Variants in ZMYND19 observed in about 807,000 individuals in gnomAD.
The protein encoded by ZMYND19 is zinc finger MYND-type containing 19.
A neutral mutation model predicts 32.0 loss-of-function variants in ZMYND19; 17 were observed. That is an observed-to-expected ratio of 0.53 (90% CI 0.36 to 0.80). The LOEUF is 0.80. Ranked by LOEUF, ZMYND19 falls within the 30% of genes least tolerant of loss-of-function variation. The pLI is 0.00. For synonymous variants in ZMYND19, 124 were observed against 113.6 expected, an observed-to-expected ratio of 1.09 and a Z score of -0.58; for missense variants, 250 against 293.6, an observed-to-expected ratio of 0.85 and a Z score of 1.09.
intron 3 of ZMYND19, chr9:137,587,509 C>G: frequency 1.6e-6 from 1 of 613,576 alleles, no homozygotes; most frequent in Non-Finnish European, 2.9e-6. Flanking sequence ...TGGGCAAGCT[C>G]CCAGCAGAAA....
chr9:137,582,950 G>T (rs1409240581), intron 5 of ZMYND19, 33 bp downstream of exon 5: 1 of 1,609,252 alleles, frequency 6.2e-7, no homozygotes, highest in Admixed American at 1.7e-5. Flanking sequence ...GGGTAGAGGT[G>T]CCAGGGACGC....
intron 4 of ZMYND19, among the ~76,000 whole-genome samples, chr9:137,583,987 G>A (rs1281929306): frequency 1.3e-5 from 2 of 152,230 alleles, no homozygotes; most frequent in African/African-American, 2.4e-5. Context: ...GGAGGCCACA[G>A]ACTGGGATCC....
At chr9:137,583,260 G>T in intron 4 of ZMYND19, 97 bp from the exon 5 acceptor site, 1 of 1,380,390 alleles carries the variant, frequency 7.2e-7, no homozygotes, top group Non-Finnish European at 9.9e-7. Flanking sequence ...ATCCTGCCCA[G>T]GACACCCAGC....
intron 3 of ZMYND19, 74 bp downstream of exon 3, chr9:137,587,643 C>A (rs1842220726): frequency 7.2e-7 from 1 of 1,389,996 alleles, no homozygotes; most frequent in Non-Finnish European, 1.0e-6. Flanking sequence ...GCAGGGGGCT[C>A]CAGGCGCCCT....
chr9:137,590,024 C>T lies in ZMYND19; in HGVS notation c.51+189G>A. 1.0e-6 allele frequency: 1 copy of T among 984,956 alleles called. No homozygotes were observed. Among genetic ancestry groups the T allele is most frequent in the Non-Finnish European group, 1.2e-6 (1 of 829,724 alleles). The allele number at this position is 984,956 out of a possible 1,614,324, so 61.0% of individuals were successfully genotyped here. On this transcript the variant is annotated intron_variant, in intron 1 of 5. Coordinates refer to ENST00000298585, the MANE Select transcript of ZMYND19 (RefSeq NM_138462.3). The surrounding 1 kb of genome is among the most constrained non-coding windows in gnomAD (Gnocchi z 4.2). ...CCCAGAGCCGAGGGGTGCGTGCCCGCCGGCCTGCGAGAGGAAGCTGCACCC... is the reference window on the plus strand; with the variant it reads ...CCCAGAGCCGAGGGGTGCGTGCCCGTCGGCCTGCGAGAGGAAGCTGCACCC...
rs554644714 is a variant in ZMYND19, at chr9:137,582,411, C to T, written c.*132G>A. Reference sequence around the variant, plus strand: ...TAACCACACAGACTGCCTGTGACATCGGGAGTCTCACGGCAGCTGTCCTGG... The same window carrying T: ...TAACCACACAGACTGCCTGTGACATTGGGAGTCTCACGGCAGCTGTCCTGG... On this transcript the variant is annotated 3_prime_UTR_variant, in exon 6 of 6. Coordinates refer to ENST00000298585, the MANE Select transcript of ZMYND19 (RefSeq NM_138462.3). 18 of 1,297,498 alleles carry T rather than the reference C, an allele frequency of 1.4e-5. 1 individual carries two copies. The highest frequency in any genetic ancestry group is 8.9e-5 in the African/African-American group (6 of 67,664). 80.4% of individuals were successfully genotyped at this position (1,297,498 alleles called of 1,614,324 possible). A position where few individuals can be genotyped will look rare whatever the true frequency, so the allele number is the denominator to read the frequency against.
chr9:137,585,832 A>C (rs1220940308), intron 4 of ZMYND19, among the ~76,000 whole-genome samples: 11 of 152,222 alleles, frequency 7.2e-5, no homozygotes, highest in African/African-American at 2.4e-4. Context: ...CCAAGCCCGA[A>C]ACACTAAACC....
chr9:137,587,078 C>G lies in ZMYND19; in HGVS notation c.248G>C (p.Gly83Ala). ...WERHRGGVAPGFQVVHLNAVT... is the reference protein window; with the variant it reads ...WERHRGGVAPAFQVVHLNAVT... ...AGCGTTGAGGTGCACCACCTGGAAGCCCGGGGCCACGCCCCCCCGGTGCCG... is the reference window on the plus strand; with the variant it reads ...AGCGTTGAGGTGCACCACCTGGAAGGCCGGGGCCACGCCCCCCCGGTGCCG... The change falls in exon 4 of 6, where the codon GGC becomes GCC. Residue 83 changes from glycine (G) to alanine (A), a missense_variant. This residue lies in a region of ZMYND19 where 212 missense variants were observed against 218.8 expected (regional missense o/e 0.97). Coordinates refer to ENST00000298585, the MANE Select transcript of ZMYND19 (RefSeq NM_138462.3). 1 of 1,608,428 alleles carries G rather than the reference C, an allele frequency of 6.2e-7. No individual in the cohort carries two copies. The highest frequency in any genetic ancestry group is 1.1e-5 in the South Asian group (1 of 91,084).
At chr9:137,588,754 T>G in intron 1 of ZMYND19, 36 bp from the exon 2 acceptor site, 1 of 1,613,546 alleles carries the variant, frequency 6.2e-7, no homozygotes. Context: ...TCATTACATT[T>G]GGGATCTGCG....
Position 137,582,978 on chromosome 9 carries a change from C to G in ZMYND19, c.540+5G>C. 1 of 1,613,912 alleles carries G rather than the reference C, an allele frequency of 6.2e-7. No individual in the cohort carries two copies. The highest frequency in any genetic ancestry group is 8.5e-7 in the Non-Finnish European group (1 of 1,179,844). ...AGGGACGCGACCGCACTGCAGCACA[C>G]CCACCTGCTTCTCAATCACTGTGCA... On this transcript the variant is annotated splice_donor_5th_base_variant and intron_variant, in intron 5 of 5. Coordinates refer to ENST00000298585, the MANE Select transcript of ZMYND19 (RefSeq NM_138462.3).
rs78239522 is a variant in ZMYND19 at position 137,589,059 on chromosome 9, G to A, written c.52-341C>T. The A allele has an allele frequency of 7.0e-3, 1,862 of 265,470 alleles. 39 individuals are homozygous for A. The highest frequency in any genetic ancestry group is 0.038 in the African/African-American group (1,756 of 45,862). The allele number at this position is 265,470 out of a possible 1,614,324, so 16.4% of individuals were successfully genotyped here. On this transcript the variant is annotated intron_variant, in intron 1 of 5. Transcript: ENST00000298585. ...AAACCTAGGCAAAGACTGTTTCACTGAGCTGAGGGAGGGGCCGGGGCTGAG... is the reference window on the plus strand; with the variant it reads ...AAACCTAGGCAAAGACTGTTTCACTAAGCTGAGGGAGGGGCCGGGGCTGAG...
rs1169392767 is a variant in ZMYND19 at position 137,586,923 on chromosome 9, A to C, written c.359+44T>G. 3.1e-6 allele frequency: 5 copies of C among 1,608,000 alleles called. No homozygotes were observed. The South Asian group carries it at 4.4e-5, about 14-fold the overall frequency. ...AAGAGCTTTGGCGGTGGCCCTCCTC[A>C]AAAGGCGCCTCTGCTGGCATCGCCA... On this transcript the variant is annotated intron_variant, in intron 4 of 5. Transcript: ENST00000298585.
intron 1 of ZMYND19, chr9:137,589,696 C>CCCCT: frequency 1.0e-6 from 1 of 985,478 alleles, no homozygotes; most frequent in Non-Finnish European, 1.2e-6. Flanking sequence ...ACGTGGCCAA[C>CCCCT]CCCTGGCAGC....
intron 4 of ZMYND19, among the ~76,000 whole-genome samples, chr9:137,586,541 G>A (rs927454524): frequency 6.7e-6 from 1 of 149,880 alleles, no homozygotes; most frequent in African/African-American, 2.5e-5. Context: ...GAGAAGGAAG[G>A]AATCCTGAGG....
intron 4 of ZMYND19, among the ~76,000 whole-genome samples, chr9:137,584,001 C>T (rs369406580): frequency 1.4e-3 from 215 of 152,250 alleles, no homozygotes; most frequent in African/African-American, 4.7e-3. Flanking sequence ...GGGATCCAGA[C>T]GGACGCACAG....
chr9:137,589,437 T>A, intron 1 of ZMYND19: 1 of 985,320 alleles, frequency 1.0e-6, no homozygotes, highest in Non-Finnish European at 1.2e-6. Context: ...GGCTCCTCTC[T>A]CCCACCAAAA....
chr9:137,590,022 C>T lies in ZMYND19; in HGVS notation c.51+191G>A. 1.0e-6 allele frequency: 1 copy of T among 984,920 alleles called. No homozygotes were observed. The highest frequency in any genetic ancestry group is 1.2e-6 in the Non-Finnish European group (1 of 829,712). The allele number at this position is 984,920 out of a possible 1,614,324, so 61.0% of individuals were successfully genotyped here. A position where few individuals can be genotyped will look rare whatever the true frequency, so the allele number is the denominator to read the frequency against. On this transcript the variant is annotated intron_variant, in intron 1 of 5. Transcript: ENST00000298585. The surrounding 1 kb of genome is among the most constrained non-coding windows in gnomAD (Gnocchi z 4.2). ...ACCCCAGAGCCGAGGGGTGCGTGCCCGCCGGCCTGCGAGAGGAAGCTGCAC... is the reference window on the plus strand; with the variant it reads ...ACCCCAGAGCCGAGGGGTGCGTGCCTGCCGGCCTGCGAGAGGAAGCTGCAC...
intron 4 of ZMYND19, among the ~76,000 whole-genome samples, chr9:137,584,038 T>C (rs1842177191): frequency 6.6e-6 from 1 of 151,312 alleles, no homozygotes; most frequent in East Asian, 1.9e-4. Flanking sequence ...AAAGACAGGG[T>C]GACCCCACCA....
chr9:137,586,553 GAGAGAAGGAAGGAATCCTGAGGTGAGC>G lies in ZMYND19; in HGVS notation c.359+387_359+413del, dbSNP rs1564490967. The stretch of plus-strand genomic sequence containing the variant: ...TGAGAGAAGGAAGGAATCCTGAGGT[GAGAGAAGGAAGGAATCCTGAGGTGAGC>G]AGAGAAGGAAGGAATCCTGAGGTGA... On this transcript the variant is annotated intron_variant, in intron 4 of 5. Transcript: ENST00000298585. 4.7e-3 allele frequency among the ~76,000 whole-genome samples: 704 copies of G among 148,276 alleles called. 10 individuals are homozygous for G. Among genetic ancestry groups the G allele is most frequent in the African/African-American group, 0.017 (678 of 40,170 alleles).
Sources: allele counts gnomAD v4.1 joint callset (sites outside exome capture counted in the v4.1 genomes callset), GRCh38; gene constraint gnomAD v4.1.1; regional missense constraint gnomAD v4.1.1; non-coding constraint Gnocchi (gnomAD v3.1); transcripts MANE v1.5; gene names NCBI Gene and HGNC (gene_info 2026-07-23, HGNC 2026-07-21).